Variants in USP39 observed in about 807,000 individuals in gnomAD.
USP39 encodes ubiquitin carboxyl-terminal hydrolase 39.
A neutral mutation model predicts 66.4 loss-of-function variants in USP39; 38 were observed. That is an observed-to-expected ratio of 0.57 (90% CI 0.44 to 0.75). USP39 has a LOEUF of 0.75. Among genes scored for constraint, USP39 ranks in the 30% least tolerant of loss-of-function variants. The pLI, the probability that USP39 is intolerant of heterozygous loss-of-function variation, is 0.00. For synonymous variants in USP39, 303 were observed against 274.6 expected, an observed-to-expected ratio of 1.10 and a Z score of -1.02; for missense variants, 608 against 714.4, an observed-to-expected ratio of 0.85 and a Z score of 1.70.
At chr2:85,644,400 A>G (rs886807762) in intron 10 of USP39, among the ~76,000 whole-genome samples, 1 of 151,844 alleles carries the variant, frequency 6.6e-6, no homozygotes, top group Non-Finnish European at 1.5e-5. Flanking sequence ...AACTGTCTAT[A>G]TATTTTCCTT....
chr2:85,613,201 A>G (rs1221975583), upstream of USP39, among the ~76,000 whole-genome samples: 1 of 152,062 alleles, frequency 6.6e-6, no homozygotes, highest in East Asian at 1.9e-4. Flanking sequence ...TCTACAAGAA[A>G]AAAATACATT....
At chr2:85,612,038 C>G (rs1272278340), upstream of USP39, 1 of 1,307,058 alleles carries the variant, frequency 7.7e-7, no homozygotes, top group Admixed American at 2.9e-5. Context: ...ACAACAGCCA[C>G]CCGCCCACAG....
intron 1 of USP39, 129 bp from the exon 2 acceptor site, chr2:85,619,090 AT>A: frequency 2.8e-6 from 3 of 1,076,258 alleles, no homozygotes; most frequent in Non-Finnish European, 4.1e-6. Flanking sequence ...TTTTTTCGAT[AT>A]TGTTGCCACC....
intron 1 of USP39, among the ~76,000 whole-genome samples, chr2:85,603,408 C>T (rs1673079854): frequency 6.6e-6 from 1 of 152,020 alleles, no homozygotes; most frequent in Non-Finnish European, 1.5e-5. Context: ...ATGTAGGTGT[C>T]AGTGTAGAGT....
At chr2:85,612,200 G>T, upstream of USP39, 1 of 1,095,486 alleles carries the variant, frequency 9.1e-7, no homozygotes, top group Non-Finnish European at 1.3e-6. Flanking sequence ...CCCCCCGGAC[G>T]GAGGGCTTTT....
chr2:85,626,988 C>T (rs1674918405), intron 5 of USP39, among the ~76,000 whole-genome samples: 1 of 151,998 alleles, frequency 6.6e-6, no homozygotes, highest in African/African-American at 2.4e-5. Context: ...ACCTCGTGAT[C>T]CACCTGCCTC....
chr2:85,605,518 C>G (rs1429749368), intron 1 of USP39, among the ~76,000 whole-genome samples: 3 of 152,320 alleles, frequency 2.0e-5, no homozygotes, highest in African/African-American at 7.2e-5. Flanking sequence ...GGGTGGGTGC[C>G]TATGGCTGTA....
upstream of USP39, chr2:85,611,039 G>C (rs1458186698): frequency 5.9e-6 from 1 of 168,178 alleles, no homozygotes; most frequent in African/African-American, 2.4e-5. Context: ...GATTACAGGC[G>C]AGAGCCACCG....
intron 6 of USP39, 90 bp downstream of exon 6, chr2:85,631,036 A>G (rs1428396044): frequency 3.2e-6 from 4 of 1,234,204 alleles, no homozygotes; most frequent in Non-Finnish European, 4.6e-6. Context: ...TTTTTTTGAG[A>G]TGGAGTCTCA....
intron 1 of USP39, among the ~76,000 whole-genome samples, chr2:85,617,840 T>TC (rs1674115126): frequency 6.6e-6 from 1 of 152,334 alleles, no homozygotes; most frequent in East Asian, 1.9e-4. Flanking sequence ...AGTCACATGC[T>TC]TTCCATCAGC....
intron 2 of USP39, among the ~76,000 whole-genome samples, chr2:85,620,599 A>G (rs1472027196): frequency 1.3e-5 from 2 of 152,208 alleles, no homozygotes; most frequent in African/African-American, 2.4e-5. Context: ...ATTGAATTAC[A>G]GTCAGCCTCA....
chr2:85,638,212 A>C (rs1016600930), intron 8 of USP39, among the ~76,000 whole-genome samples: 3 of 148,708 alleles, frequency 2.0e-5, no homozygotes, highest in Non-Finnish European at 3.0e-5. Flanking sequence ...AGTAGAGAAG[A>C]GGTTTTACCA....
chr2:85,630,674 G>T lies in USP39; in HGVS notation c.724-47G>T, dbSNP rs1212741639. 1.9e-6 allele frequency: 3 copies of T among 1,564,278 alleles called. No homozygotes were observed. The Admixed American group carries it at 5.1e-5, about 27-fold the overall frequency. On this transcript the variant is annotated intron_variant, in intron 5 of 12. Coordinates refer to ENST00000323701, the MANE Select transcript of USP39 (RefSeq NM_006590.4). The stretch of plus-strand genomic sequence containing the variant: ...TTTAATTGGAAGAGCTTGGCTCAAG[G>T]GGTCCTACAAAGGGGCTTTGGGTTA...
At chr2:85,617,912 C>T (rs761993242) in intron 1 of USP39, among the ~76,000 whole-genome samples, 6 of 151,908 alleles carry the variant, frequency 3.9e-5, no homozygotes. Context: ...CTGAGACCCA[C>T]TCAAGTTTTT....
At chr2:85,635,715 A>G (rs1558866813) in intron 6 of USP39, among the ~76,000 whole-genome samples, 1 of 152,190 alleles carries the variant, frequency 6.6e-6, no homozygotes, top group Non-Finnish European at 1.5e-5. Flanking sequence ...AGGAATCTTC[A>G]TGAGCTGCAG....
At chr2:85,625,322 A>AT (rs1674766713) in intron 4 of USP39, among the ~76,000 whole-genome samples, 1 of 152,180 alleles carries the variant, frequency 6.6e-6, no homozygotes, top group East Asian at 1.9e-4. Context: ...GGATTCAGTG[A>AT]TTTTGGGATA....
chr2:85,616,431 A>G lies in USP39; in HGVS notation c.236A>G (p.Asp79Gly). Residue 79 changes from aspartate (D) to glycine (G), a missense_variant, in exon 1 of 13, where the codon GAT becomes GGT. By Grantham distance (94) the Asp-to-Gly change is moderately conservative. Transcript: ENST00000323701. ...CGGGTGAAGCGGGAGCGCGAGGTCG[A>G]TGAGGACTCGGAGCCTGAGCGGGAG... ...FVRVKREREV[D>G]EDSEPEREVR... 6 of 1,586,460 alleles carry G rather than the reference A, an allele frequency of 3.8e-6. No homozygotes were observed. Among genetic ancestry groups the G allele is most frequent in the Non-Finnish European group, 5.2e-6 (6 of 1,163,094 alleles).
rs181015176 is a variant in USP39 at position 85,621,022 on chromosome 2, A to G, written c.339-463A>G. 5.0e-4 allele frequency among the ~76,000 whole-genome samples: 76 copies of G among 152,216 alleles called. 2 individuals are homozygous for G. The South Asian group carries it at 0.011, about 22-fold the overall frequency. On this transcript the variant is annotated intron_variant, in intron 2 of 12. Transcript: ENST00000323701. Reference sequence around the variant, plus strand: ...TATTATTATTTGTTTTTAAGAGAGGATCCCACTCTGTATCCCAGTCTGGAG... The same window carrying G: ...TATTATTATTTGTTTTTAAGAGAGGGTCCCACTCTGTATCCCAGTCTGGAG...
At chr2:85,614,373 G>A (rs1673773734), upstream of USP39, among the ~76,000 whole-genome samples, 1 of 152,074 alleles carries the variant, frequency 6.6e-6, no homozygotes, top group Non-Finnish European at 1.5e-5. Context: ...AATTAGCCGG[G>A]CATGGTGGCA....
Sources: allele counts gnomAD v4.1 joint callset (sites outside exome capture counted in the v4.1 genomes callset), GRCh38; gene constraint gnomAD v4.1.1; transcripts MANE v1.5; gene names NCBI Gene and HGNC (gene_info 2026-07-23, HGNC 2026-07-21).